VPS37A: variants seen among roughly 807,000 people sequenced by gnomAD.
VPS37A encodes the protein vacuolar protein sorting-associated protein 37A.
VPS37A carries 30 observed loss-of-function variants against 49.8 expected under a neutral mutation model. That is an observed-to-expected ratio of 0.60 (90% CI 0.45 to 0.82). The LOEUF (loss-of-function observed/expected upper bound fraction) is 0.82. Ranked by LOEUF, VPS37A falls within the 40% of genes least tolerant of loss-of-function variation. The probability of loss-of-function intolerance (pLI) is 0.00; values close to 1 mark genes in which losing one functional copy is unlikely to be tolerated. For synonymous variants in VPS37A, 195 were observed against 160.6 expected (o/e 1.21, Z -1.62); for missense variants, 593 against 464.4 (o/e 1.28, Z -2.55).
rs1166192119 is a variant in VPS37A, at chr8:17,273,023, CTTT to C, written c.417-1687_417-1685del. On this transcript the variant is annotated intron_variant, in intron 4 of 11. Transcript: ENST00000324849. Reference sequence around the variant, plus strand: ...TGAATGGTAGCATATTTTGCCCTTCCTTTTTTTTTTTTTTTTTTTTTTTTTGGT... The same window carrying C: ...TGAATGGTAGCATATTTTGCCCTTCCTTTTTTTTTTTTTTTTTTTTTTGGT... 4.7e-3 allele frequency among the ~76,000 whole-genome samples: 207 copies of C among 43,802 alleles called. 2 individuals carry two copies. Among genetic ancestry groups the C allele is most frequent in the African/African-American group, 0.02 (194 of 9,824 alleles). The allele number at this position is 43,802 out of a possible 152,430, so 28.7% of individuals were successfully genotyped here.
intron 9 of VPS37A, among the ~76,000 whole-genome samples, chr8:17,284,131 G>C (rs1815360576): frequency 6.6e-6 from 1 of 152,196 alleles, no homozygotes; most frequent in Non-Finnish European, 1.5e-5. Flanking sequence ...TTATGCAAGG[G>C]CAGGAATACC....
At chr8:17,248,010 G>A (rs1043888562) in intron 1 of VPS37A, 1 of 523,220 alleles carries the variant, frequency 1.9e-6, no homozygotes, top group Non-Finnish European at 3.4e-6. Flanking sequence ...CATCTTGATT[G>A]TTCTGTTGTC....
At chr8:17,293,513 T>C (rs944058946) in intron 11 of VPS37A, among the ~76,000 whole-genome samples, 9 of 152,110 alleles carry the variant, frequency 5.9e-5, no homozygotes, top group Admixed American at 3.9e-4. Flanking sequence ...CGAGGAGTTG[T>C]GATCCTTTGG....
At chr8:17,250,995 G>A (rs1811922798) in intron 1 of VPS37A, among the ~76,000 whole-genome samples, 3 of 152,148 alleles carry the variant, frequency 2.0e-5, no homozygotes, top group Admixed American at 2.0e-4. Flanking sequence ...CAAAACTCCT[G>A]ACTTTATGGA....
chr8:17,272,880 T>G (rs754813343), intron 4 of VPS37A, among the ~76,000 whole-genome samples: 1 of 152,054 alleles, frequency 6.6e-6, no homozygotes, highest in Non-Finnish European at 1.5e-5. Flanking sequence ...CAGCTTAATT[T>G]TTTTTCCTCA....
chr8:17,262,820 T>C (rs1394394740), intron 1 of VPS37A, among the ~76,000 whole-genome samples: 2 of 152,094 alleles, frequency 1.3e-5, no homozygotes, highest in African/African-American at 4.8e-5. Flanking sequence ...CCTAGCACTT[T>C]GGGAGGCCGA....
the VPS37A span, among the ~76,000 whole-genome samples, chr8:17,325,079 G>A: frequency 6.6e-6 from 1 of 152,044 alleles, no homozygotes; most frequent in Non-Finnish European, 1.5e-5. Context: ...ACTCCATAAA[G>A]ACATGAGGTA....
the VPS37A span, among the ~76,000 whole-genome samples, chr8:17,318,393 G>A: frequency 3.9e-5 from 6 of 152,130 alleles, no homozygotes; most frequent in African/African-American, 1.4e-4. Context: ...TCATGATAAT[G>A]GCTAGCAGGC....
chr8:17,288,144 G>GT (rs1278093357), intron 11 of VPS37A, among the ~76,000 whole-genome samples: 2 of 152,158 alleles, frequency 1.3e-5, no homozygotes, highest in Non-Finnish European at 2.9e-5. Flanking sequence ...ACACAGAGTA[G>GT]TTGCTCATTT....
At chr8:17,292,864 C>G (rs112160532) in intron 11 of VPS37A, among the ~76,000 whole-genome samples, 8,225 of 152,238 alleles carry the variant, frequency 0.054, 305 homozygotes, top group African/African-American at 0.11. Flanking sequence ...GTAACCCAAC[C>G]TTTTTCTCTG....
At chr8:17,304,483 C>T, downstream of VPS37A, 1 of 1,614,006 alleles carries the variant, frequency 6.2e-7, no homozygotes, top group Non-Finnish European at 8.5e-7. Context: ...GATTCTTCCA[C>T]AGGTGAGCCC....
At chr8:17,307,534 G>A in the VPS37A span, among the ~76,000 whole-genome samples, 4 of 152,102 alleles carry the variant, frequency 2.6e-5, no homozygotes, top group African/African-American at 9.7e-5. Flanking sequence ...TCCCATTACT[G>A]GGTATATACC....
At chr8:17,258,119 T>C (rs1812644886) in intron 1 of VPS37A, among the ~76,000 whole-genome samples, 1 of 152,202 alleles carries the variant, frequency 6.6e-6, no homozygotes, top group Non-Finnish European at 1.5e-5. Context: ...ACTTCTCTTT[T>C]CCATTTTAGA....
chr8:17,259,770 A>G (rs1157625553), intron 1 of VPS37A, among the ~76,000 whole-genome samples: 2 of 152,054 alleles, frequency 1.3e-5, no homozygotes, highest in Non-Finnish European at 2.9e-5. Flanking sequence ...GTGCATAGAT[A>G]TTTCTAATTG....
chr8:17,269,832 A>G (rs915743590), intron 4 of VPS37A, among the ~76,000 whole-genome samples: 6 of 152,196 alleles, frequency 3.9e-5, no homozygotes, highest in Admixed American at 2.0e-4. Context: ...TTCTCGTACT[A>G]AAGATACTGT....
the VPS37A span, among the ~76,000 whole-genome samples, chr8:17,323,371 G>A: frequency 9.9e-5 from 15 of 152,014 alleles, no homozygotes; most frequent in Non-Finnish European, 4.4e-5. Context: ...AAAAAATAGA[G>A]AATAATTAAA....
At chr8:17,282,493 C>T (rs1815162454) in intron 9 of VPS37A, among the ~76,000 whole-genome samples, 2 of 151,576 alleles carry the variant, frequency 1.3e-5, no homozygotes, top group African/African-American at 4.9e-5. Context: ...GACATATTTA[C>T]CTCTACAGAT....
In VPS37A at chr8:17,297,309, C is replaced by T. The variant is rs921562777; in HGVS notation, c.*2323C>T. The T allele has an allele frequency of 1.3e-5, 2 of 152,024 alleles. No homozygotes were observed. Among genetic ancestry groups the T allele is most frequent in the East Asian group, 1.9e-4 (1 of 5,190 alleles). 9.4% of individuals were successfully genotyped at this position (152,024 alleles called of 1,614,324 possible). On this transcript the variant is annotated 3_prime_UTR_variant, in exon 12 of 12. Coordinates refer to ENST00000324849, the MANE Select transcript of VPS37A (RefSeq NM_152415.3). Reference sequence around the variant, plus strand: ...GTGAGATATAAACTAAACAGACCCACTTCAAAGTTGAAAGAAATTTCTAGG... The same window carrying T: ...GTGAGATATAAACTAAACAGACCCATTTCAAAGTTGAAAGAAATTTCTAGG...
chr8:17,302,272 C>T (rs781066428), downstream of VPS37A: 8 of 1,612,850 alleles, frequency 5.0e-6, no homozygotes, highest in Middle Eastern at 1.7e-4. Flanking sequence ...ATACATTCCA[C>T]TCCAAAACCT....
Sources: allele counts gnomAD v4.1 joint callset (sites outside exome capture counted in the v4.1 genomes callset), GRCh38; gene constraint gnomAD v4.1.1; transcripts MANE v1.5; gene names NCBI Gene and HGNC (gene_info 2026-07-23, HGNC 2026-07-21).